Variants in STAT1 observed in about 807,000 individuals in gnomAD.
STAT1 encodes signal transducer and activator of transcription 1.
A neutral mutation model predicts 111.7 loss-of-function variants in STAT1; 24 were observed. The observed-to-expected ratio is 0.21, with a 90% confidence interval of 0.16 to 0.30. STAT1 has a LOEUF of 0.30. STAT1 is among the 10% of genes least tolerant of loss of function. The probability of loss-of-function intolerance (pLI) is 1.00; values close to 1 mark genes in which losing one functional copy is unlikely to be tolerated. For synonymous variants in STAT1, 332 were observed against 326.5 expected (o/e 1.02, Z -0.18); for missense variants, 351 against 911.9 (o/e 0.38, Z 7.92).
intron 2 of STAT1, among the ~76,000 whole-genome samples, chr2:191,010,839 C>CATAGTGATCATTTAGGAT (rs1430986288): frequency 6.6e-6 from 1 of 152,152 alleles, no homozygotes; most frequent in Non-Finnish European, 1.5e-5. Flanking sequence ...ACTGTTAAGT[C>CATAGTGATCATTTAGGAT]CATTTTTACA....
rs770089220 is a variant in STAT1, at chr2:190,980,711, A to C, written c.1583-42T>G. On this transcript the variant is annotated intron_variant, in intron 18 of 24. Transcript: ENST00000361099. The surrounding 1 kb of genome is among the most constrained non-coding windows in gnomAD (Gnocchi z 6.1). ...CAGATTTTTCAGCAAACAGAAACTGATTCTAAAGCTTTGGTTGGACGGATG... is the reference window on the plus strand; with the variant it reads ...CAGATTTTTCAGCAAACAGAAACTGCTTCTAAAGCTTTGGTTGGACGGATG... The C allele has an allele frequency of 6.3e-7, 1 of 1,599,548 alleles. No individual in the cohort carries two copies. Among genetic ancestry groups the C allele is most frequent in the East Asian group, 2.2e-5 (1 of 44,770 alleles).
rs1695308731 is a variant in STAT1 at position 191,013,627 on chromosome 2, C to A, written c.-104G>T. 2 of 398,544 alleles carry A rather than the reference C, an allele frequency of 5.0e-6. No individual in the cohort carries two copies. The highest frequency in any genetic ancestry group is 7.1e-5 in the East Asian group (2 of 28,082). 24.7% of individuals were successfully genotyped at this position (398,544 alleles called of 1,614,324 possible). The stretch of plus-strand genomic sequence containing the variant: ...CTGTCGAGGTTATATACACAGAGTG[C>A]GAACGTTAACCTAGACAGCTCTCGA... On this transcript the variant is annotated 5_prime_UTR_variant, in exon 2 of 25. Transcript: ENST00000361099.
chr2:191,010,308 G>GCT, intron 2 of STAT1: 1 of 484,456 alleles, frequency 2.1e-6, no homozygotes, highest in Non-Finnish European at 4.2e-6. Context: ...CTGGAAACAT[G>GCT]CTCTCTCTTT....
At chr2:191,002,635 T>G (rs577747858) in intron 5 of STAT1, among the ~76,000 whole-genome samples, 3 of 152,248 alleles carry the variant, frequency 2.0e-5, no homozygotes, top group Admixed American at 2.0e-4. Context: ...TTAATTCTTA[T>G]GCTTCTAATG....
chr2:190,977,103 G>A lies in STAT1; in HGVS notation c.1874-78C>T, dbSNP rs932175225. Reference sequence around the variant, plus strand: ...GGACAGAGAAATAAAACACTGCAGAGTTGATGGATTTGAGTGAACCTCATA... The same window carrying A: ...GGACAGAGAAATAAAACACTGCAGAATTGATGGATTTGAGTGAACCTCATA... On this transcript the variant is annotated intron_variant, in intron 21 of 24. Transcript: ENST00000361099. The surrounding 1 kb of genome is among the most constrained non-coding windows in gnomAD (Gnocchi z 4.7). 7.0e-7 allele frequency: 1 copy of A among 1,435,550 alleles called. No individual in the cohort carries two copies. The highest frequency in any genetic ancestry group is 9.8e-7 in the Non-Finnish European group (1 of 1,020,898). The allele number at this position is 1,435,550 out of a possible 1,614,324, so 88.9% of individuals were successfully genotyped here.
Position 190,976,844 on chromosome 2 carries a change from C to T in STAT1, c.2055G>A (p.Lys685=). The T allele has an allele frequency of 6.2e-7, 1 of 1,614,122 alleles. No homozygotes were observed. The highest frequency in any genetic ancestry group is 1.1e-5 in the South Asian group (1 of 91,084). The stretch of plus-strand genomic sequence containing the variant: ...CCACCTGCTTGCCCCACTTACCTTC[C>T]TTTGGCCTGGAGTAATACTTTCCAA... ...HAFGKYYSRP[K]EAPEPMELDG... The change falls in exon 22 of 25, where the codon AAG becomes AAA. Residue 685 remains lysine, a synonymous_variant. Transcript: ENST00000361099. The surrounding 1 kb of genome is among the most constrained non-coding windows in gnomAD (Gnocchi z 6.0).
chr2:190,986,885 T>C lies in STAT1; in HGVS notation c.1190A>G (p.Asn397Ser). ...CCGAAATTCAGCCGCCAGACTGCCA[T>C]TGGTGGACTCCTCCATGTTCATCAC... ...TKVMNMEEST[N>S]GSLAAEFRHL... Residue 397 changes from asparagine to serine, a missense_variant, in exon 14 of 25, where the codon AAT becomes AGT. Asn to Ser is a conservative substitution (Grantham distance 46). This residue lies in a region of STAT1 where 23 missense variants were observed against 123.1 expected (regional missense o/e 0.19). Transcript: ENST00000361099. The surrounding 1 kb of genome is among the most constrained non-coding windows in gnomAD (Gnocchi z 5.0). The C allele has an allele frequency of 1.2e-6, 2 of 1,614,242 alleles. No homozygotes were observed. The highest frequency in any genetic ancestry group is 2.2e-5 in the East Asian group (1 of 44,882).
At position 190,978,625 on chromosome 2, in the gene STAT1, T is replaced by C. The variant is rs763896882; in HGVS notation, c.1873+231A>G. The C allele has an allele frequency of 1.4e-4, 84 of 602,226 alleles. No homozygotes were observed. Among genetic ancestry groups the C allele is most frequent in the Non-Finnish European group, 2.1e-4 (71 of 336,992 alleles). 37.3% of individuals were successfully genotyped at this position (602,226 alleles called of 1,614,324 possible). A position where few individuals can be genotyped will look rare whatever the true frequency, so the allele number is the denominator to read the frequency against. On this transcript the variant is annotated intron_variant, in intron 21 of 24. Coordinates refer to ENST00000361099, the MANE Select transcript of STAT1 (RefSeq NM_007315.4). The surrounding 1 kb of genome is among the most constrained non-coding windows in gnomAD (Gnocchi z 6.1). ...AACAAACCTGATGCAAAGGAAAGAA[T>C]TGGCATTGTCTTTTCAAAACCATCA...
rs1694737487 is a variant in STAT1 at position 191,006,841 on chromosome 2, G to C, written c.372+722C>G. On this transcript the variant is annotated intron_variant, in intron 5 of 24. Coordinates refer to ENST00000361099, the MANE Select transcript of STAT1 (RefSeq NM_007315.4). The surrounding 1 kb of genome is among the most constrained non-coding windows in gnomAD (Gnocchi z 4.6). ...TACAACTCTGACTCATTTACTGTTT[G>C]ATGCCTTGAATATTTAATAGGTATC... is the stretch of plus-strand genomic sequence containing the variant. Among the ~76,000 whole-genome samples the C allele has an allele frequency of 6.6e-6, 1 of 152,188 alleles. No homozygotes were observed. The highest frequency in any genetic ancestry group is 2.1e-4 in the South Asian group (1 of 4,830).
chr2:191,011,507 C>A (rs1199726988), intron 2 of STAT1, among the ~76,000 whole-genome samples: 2 of 152,204 alleles, frequency 1.3e-5, no homozygotes, highest in African/African-American at 4.8e-5. Flanking sequence ...CAGCCTCCAA[C>A]CCCTGGACTA....
Position 191,004,805 on chromosome 2 carries a change from C to T in STAT1, c.372+2758G>A, listed in dbSNP as rs1286467909. On this transcript the variant is annotated intron_variant, in intron 5 of 24. Transcript: ENST00000361099. The surrounding 1 kb of genome is among the most constrained non-coding windows in gnomAD (Gnocchi z 5.0). ...TATGGTAACCATTAGTCCTTAAGAA[C>T]ACAAAGATGGAACAGCAAAGGAAGC... Among the ~76,000 whole-genome samples, 1 of 152,182 alleles carries T rather than the reference C, an allele frequency of 6.6e-6. No homozygotes were observed. Among genetic ancestry groups the T allele is most frequent in the Non-Finnish European group, 1.5e-5 (1 of 68,036 alleles).
At position 190,993,195 on chromosome 2, in the gene STAT1, T is replaced by C; in HGVS notation, c.944+1866A>G. ...ACTTTCTCTGTGGTCAGATCACACT[T>C]GTTCCCTACCAACAATTTGTTGACG... On this transcript the variant is annotated intron_variant, in intron 10 of 24. Transcript: ENST00000361099. This position sits in a 1 kb window ranked among gnomAD's most constrained non-coding sequence, Gnocchi z 4.1. 1.9e-6 allele frequency: 1 copy of C among 539,084 alleles called. No homozygotes were observed. Among genetic ancestry groups the C allele is most frequent in the Non-Finnish European group, 3.5e-6 (1 of 285,822 alleles). The allele number at this position is 539,084 out of a possible 1,614,324, so 33.4% of individuals were successfully genotyped here. A position where few individuals can be genotyped will look rare whatever the true frequency, so the allele number is the denominator to read the frequency against.
At chr2:190,985,591 C>A (rs1692739584) in intron 15 of STAT1, 28 bp downstream of exon 15, 1 of 1,613,922 alleles carries the variant, frequency 6.2e-7, no homozygotes, top group Non-Finnish European at 8.5e-7. Context: ...CTGATTTGGG[C>A]CCATTCACAA....
chr2:190,989,582 C>A lies in STAT1; in HGVS notation c.1097+33G>T. 1 of 1,259,510 alleles carries A rather than the reference C, an allele frequency of 7.9e-7. No homozygotes were observed. The highest frequency in any genetic ancestry group is 1.9e-4 in the Middle Eastern group (1 of 5,324). 78.0% of individuals were successfully genotyped at this position (1,259,510 alleles called of 1,614,324 possible). On this transcript the variant is annotated intron_variant, in intron 12 of 24. Coordinates refer to ENST00000361099, the MANE Select transcript of STAT1 (RefSeq NM_007315.4). This position sits in a 1 kb window ranked among gnomAD's most constrained non-coding sequence, Gnocchi z 5.0. ...TAACAAAATCAACATTTCAATAGTA[C>A]ATGTATGTTATATAATGTTAAAGAT...
chr2:190,992,131 T>C (rs182942397), intron 10 of STAT1, among the ~76,000 whole-genome samples: 30 of 152,298 alleles, frequency 2.0e-4, no homozygotes, highest in African/African-American at 7.0e-4. Flanking sequence ...ACAAATTATA[T>C]GCAGAGTATG....
Position 190,981,007 on chromosome 2 carries a change from C to T in STAT1, c.1583-338G>A, listed in dbSNP as rs45558440. Among the ~76,000 whole-genome samples, 719 of 152,016 alleles carry T rather than the reference C, an allele frequency of 4.7e-3. 7 individuals carry two copies. The highest frequency in any genetic ancestry group is 0.016 in the African/African-American group (645 of 41,360). On this transcript the variant is annotated intron_variant, in intron 18 of 24. Transcript: ENST00000361099. This position sits in a 1 kb window ranked among gnomAD's most constrained non-coding sequence, Gnocchi z 4.1. ...AAGCCTTACCATCTGCTCTCTCCCT[C>T]CCCAGCCCCCCTTTTCCCTCCCTCC... is the stretch of plus-strand genomic sequence containing the variant.
rs372657991 is a variant in STAT1, at chr2:190,975,792, A to C, written c.2135+20T>G. ...CTGGCTTGAGGTTTGTAAACATGTC[A>C]CTCTTCTGTGTTCACTTACACTTCA... On this transcript the variant is annotated intron_variant, in intron 23 of 24. Transcript: ENST00000361099. This position sits in a 1 kb window ranked among gnomAD's most constrained non-coding sequence, Gnocchi z 5.9. The C allele has an allele frequency of 4.3e-6, 7 of 1,613,496 alleles. No individual in the cohort carries two copies. In the African/African-American group the frequency reaches 9.4e-5, roughly 22 times the overall value.
intron 5 of STAT1, among the ~76,000 whole-genome samples, chr2:191,001,556 C>T (rs1559021366): frequency 6.6e-6 from 1 of 152,158 alleles, no homozygotes; most frequent in African/African-American, 2.4e-5. Context: ...CAGCATCTCA[C>T]CACCTAGGAT....
intron 11 of STAT1, 96 bp downstream of exon 11, chr2:190,991,132 C>T (rs1693295923): frequency 4.3e-6 from 5 of 1,166,000 alleles, no homozygotes; most frequent in South Asian, 3.8e-5. Context: ...AAATTATTTC[C>T]TCAAAAGCAC....
Sources: allele counts gnomAD v4.1 joint callset (sites outside exome capture counted in the v4.1 genomes callset), GRCh38; gene constraint gnomAD v4.1.1; regional missense constraint gnomAD v4.1.1; non-coding constraint Gnocchi (gnomAD v3.1); transcripts MANE v1.5; gene names NCBI Gene and HGNC (gene_info 2026-07-23, HGNC 2026-07-21).